CPQ: variants seen among roughly 807,000 people sequenced by gnomAD.
CPQ encodes the protein carboxypeptidase Q.
Under a neutral mutation model 45.7 loss-of-function variants are expected in CPQ, and 37 were observed. That is an observed-to-expected ratio of 0.81 (90% confidence interval 0.62 to 1.07). The LOEUF (loss-of-function observed/expected upper bound fraction) is 1.07, where lower values mean the gene tolerates loss of function less well. Among genes scored for constraint, CPQ ranks in the 50% least tolerant of loss-of-function variants. CPQ has a pLI of 0.00. For missense variants in CPQ, 537 were observed against 572.9 expected (o/e 0.94, Z 0.64); for synonymous variants, 186 against 205.8 (o/e 0.90, Z 0.82).
chr8:96,830,176 T>C (rs1024608407), intron 2 of CPQ, among the ~76,000 whole-genome samples: 5 of 152,150 alleles, frequency 3.3e-5, no homozygotes, highest in Admixed American at 6.6e-5. Flanking sequence ...CTATTTCCTG[T>C]TCAGAGGTGA....
chr8:97,106,298 G>A (rs749917697), intron 7 of CPQ, among the ~76,000 whole-genome samples: 1 of 152,214 alleles, frequency 6.6e-6, no homozygotes. Flanking sequence ...GGAAAGAAGT[G>A]TGTTTCCTGA....
At chr8:96,862,284 T>TTGTGTG (rs34611818) in intron 3 of CPQ, among the ~76,000 whole-genome samples, 2,552 of 141,166 alleles carry the variant, frequency 0.018, 63 homozygotes, top group African/African-American at 0.058. Flanking sequence ...ATTTTTGCAT[T>TTGTGTG]TGTGTGTGTG....
chr8:96,824,171 T>C (rs1414469046), intron 2 of CPQ, among the ~76,000 whole-genome samples: 1 of 152,030 alleles, frequency 6.6e-6, no homozygotes. Context: ...TGTTGCTCTC[T>C]CTCCATCTCT....
At chr8:97,012,266 T>A (rs1809500916) in intron 5 of CPQ, among the ~76,000 whole-genome samples, 1 of 152,244 alleles carries the variant, frequency 6.6e-6, no homozygotes, top group Admixed American at 6.5e-5. Flanking sequence ...TATATATATT[T>A]ACTACTTCTA....
chr8:96,654,680 C>T (rs1056849703), intron 1 of CPQ, among the ~76,000 whole-genome samples: 5 of 152,140 alleles, frequency 3.3e-5, no homozygotes, highest in African/African-American at 9.7e-5. Context: ...CATTCCCTTA[C>T]CAGCAAGATA....
chr8:96,683,766 TAA>T (rs57075384), intron 1 of CPQ, among the ~76,000 whole-genome samples: 96,983 of 148,436 alleles, frequency 0.65, 31,892 homozygotes, highest in Non-Finnish European at 0.68. Context: ...ACTGAGTTAT[TAA>T]AAAAAAAAAA....
At chr8:97,098,370 A>G (rs1161541916) in intron 7 of CPQ, among the ~76,000 whole-genome samples, 1 of 152,060 alleles carries the variant, frequency 6.6e-6, no homozygotes, top group Non-Finnish European at 1.5e-5. Flanking sequence ...CATCAACTCC[A>G]AAGGGCTTTC....
At chr8:97,039,662 T>G (rs1410064475) in intron 6 of CPQ, among the ~76,000 whole-genome samples, 3 of 142,480 alleles carry the variant, frequency 2.1e-5, no homozygotes, top group East Asian at 2.1e-4. Flanking sequence ...GTCCCCAGAG[T>G]GTGATGTTCC....
At chr8:96,649,300 T>C (rs1815552350) in intron 1 of CPQ, among the ~76,000 whole-genome samples, 1 of 152,236 alleles carries the variant, frequency 6.6e-6, no homozygotes, top group East Asian at 1.9e-4. Context: ...TTAAGCTGAA[T>C]TTTAAACAGA....
At chr8:96,974,299 G>C (rs1046127132) in intron 5 of CPQ, among the ~76,000 whole-genome samples, 1 of 152,116 alleles carries the variant, frequency 6.6e-6, no homozygotes, top group Non-Finnish European at 1.5e-5. Flanking sequence ...ATGATAAAAG[G>C]ACTAGTCCAA....
At chr8:97,024,962 TC>T (rs758753864) in intron 5 of CPQ, among the ~76,000 whole-genome samples, 9 of 152,328 alleles carry the variant, frequency 5.9e-5, no homozygotes, top group Non-Finnish European at 1.3e-4. Context: ...ATGATACTTA[TC>T]TATAGTTCTG....
chr8:96,698,027 A>G (rs1487363482), intron 1 of CPQ, among the ~76,000 whole-genome samples: 2 of 152,128 alleles, frequency 1.3e-5, no homozygotes, highest in African/African-American at 4.8e-5. Context: ...TGGAACCACT[A>G]AAGGCCCAGA....
In CPQ at chr8:96,695,339, A is replaced by G. The variant is rs1245386612; in HGVS notation, c.-35+49937A>G. Among the ~76,000 whole-genome samples the G allele has an allele frequency of 8.3e-5, 12 of 145,132 alleles. No individual in the cohort carries two copies. In the South Asian group the frequency reaches 2.5e-3, roughly 30 times the overall value. ...TTAGACCTAAAACCATAAAAACCCT[A>G]GAAGAAAACCTAGGCATTACCATTC... On this transcript the variant is annotated intron_variant, in intron 1 of 7. Transcript: ENST00000220763.
intron 1 of CPQ, among the ~76,000 whole-genome samples, chr8:96,737,135 A>C (rs1020093349): frequency 6.6e-6 from 1 of 150,490 alleles, no homozygotes; most frequent in African/African-American, 2.4e-5. Context: ...TTATCTTCTC[A>C]ATTTTTATAT....
At chr8:96,909,671 A>G (rs1273469784) in intron 4 of CPQ, among the ~76,000 whole-genome samples, 1 of 152,118 alleles carries the variant, frequency 6.6e-6, no homozygotes, top group African/African-American at 2.4e-5. Flanking sequence ...CAGATGAGTT[A>G]TAATAGCCCA....
Position 96,731,831 on chromosome 8 carries a change from A to G in CPQ, c.-34-53033A>G, listed in dbSNP as rs193029834. Among the ~76,000 whole-genome samples, 7 of 152,304 alleles carry G rather than the reference A, an allele frequency of 4.6e-5. No individual in the cohort carries two copies. The East Asian group carries it at 1.2e-3, about 25-fold the overall frequency. ...TAGATTTTTAAGCAGGAATGAAGAA[A>G]CATGAACATATTCTTCCCTATTTTT... is the stretch of plus-strand genomic sequence containing the variant. On this transcript the variant is annotated intron_variant, in intron 1 of 7. Coordinates refer to ENST00000220763, the MANE Select transcript of CPQ (RefSeq NM_016134.4).
chr8:97,052,161 A>G (rs1810375530), intron 6 of CPQ, among the ~76,000 whole-genome samples: 1 of 152,080 alleles, frequency 6.6e-6, no homozygotes, highest in African/African-American at 2.4e-5. Flanking sequence ...TTAGGTGATT[A>G]TTGCTGCTAC....
At chr8:96,781,693 G>A (rs1172502474) in intron 1 of CPQ, among the ~76,000 whole-genome samples, 2 of 152,238 alleles carry the variant, frequency 1.3e-5, no homozygotes, top group African/African-American at 4.8e-5. Flanking sequence ...TCAAAAGTCC[G>A]AAGTCTTGTC....
intron 1 of CPQ, among the ~76,000 whole-genome samples, chr8:96,737,389 T>G (rs1810000872): frequency 7.2e-6 from 1 of 138,400 alleles, no homozygotes; most frequent in Non-Finnish European, 1.6e-5. Flanking sequence ...AAGTATTAAC[T>G]TACATGATTA....
Sources: allele counts gnomAD v4.1 joint callset (sites outside exome capture counted in the v4.1 genomes callset), GRCh38; gene constraint gnomAD v4.1.1; transcripts MANE v1.5; gene names NCBI Gene and HGNC (gene_info 2026-07-23, HGNC 2026-07-21).